FER: variants seen among roughly 807,000 people sequenced by gnomAD.
FER encodes the protein FER tyrosine kinase, also known as tyrosine-protein kinase Fer.
A neutral mutation model predicts 111.0 loss-of-function variants in FER; 63 were observed. The observed-to-expected ratio is 0.57, with a 90% CI of 0.46 to 0.70. FER has a LOEUF of 0.70. FER is among the 30% of genes least tolerant of loss of function. FER has a pLI of 0.00. For synonymous variants in FER, 327 were observed against 313.9 expected (o/e 1.04, Z -0.44); for missense variants, 914 against 954.0 (o/e 0.96, Z 0.55).
chr5:109,036,593 A>G (rs1770433073), intron 13 of FER, among the ~76,000 whole-genome samples: 1 of 151,878 alleles, frequency 6.6e-6, no homozygotes. Context: ...ATCAACCAGG[A>G]TACTCTTCCT....
intron 1 of FER, among the ~76,000 whole-genome samples, chr5:108,764,109 C>T (rs1752049801): frequency 6.6e-6 from 1 of 152,082 alleles, no homozygotes; most frequent in South Asian, 2.1e-4. Context: ...CATTAGAGTG[C>T]TGGTGATCAA....
At chr5:108,845,067 T>TAC (rs61156019) in intron 5 of FER, among the ~76,000 whole-genome samples, 1,030 of 53,576 alleles carry the variant, frequency 0.019, 33 homozygotes, top group Admixed American at 0.028. Flanking sequence ...TATATATATA[T>TAC]ACACACACAC....
rs983265003 is a variant in FER, at chr5:109,124,979, G to C, written c.2048+24460G>C. On this transcript the variant is annotated intron_variant, in intron 17 of 19. Coordinates refer to ENST00000281092, the MANE Select transcript of FER (RefSeq NM_005246.4). ...GAGAATGGCGTGAACCCAGGAGGCA[G>C]AGCTTGCAGTGAGCCGAGATTGCAC... Among the ~76,000 whole-genome samples, 7 of 147,440 alleles carry C rather than the reference G, an allele frequency of 4.7e-5. No individual in the cohort carries two copies. In the Admixed American group the frequency reaches 4.8e-4, roughly 10 times the overall value.
intron 5 of FER, among the ~76,000 whole-genome samples, chr5:108,859,920 C>CTATTATTATTATTATTATTATTATTAT: frequency 7.1e-6 from 1 of 141,596 alleles, no homozygotes; most frequent in East Asian, 2.0e-4. Context: ...ATGTATATAC[C>CTATTATTATTATTATTATTATTATTAT]TATTATTATT....
chr5:108,917,102 G>A (rs545956458), intron 10 of FER, among the ~76,000 whole-genome samples: 44 of 152,036 alleles, frequency 2.9e-4, no homozygotes, highest in Middle Eastern at 3.4e-3. Context: ...GACAATCCAC[G>A]AGGCTTTCTT....
chr5:108,911,848 A>G (rs1751592797), intron 10 of FER, among the ~76,000 whole-genome samples: 1 of 152,060 alleles, frequency 6.6e-6, no homozygotes. Flanking sequence ...AGTATCATGC[A>G]GTTTTAGTTA....
intron 2 of FER, among the ~76,000 whole-genome samples, chr5:108,793,369 G>A (rs929651666): frequency 6.6e-6 from 1 of 152,074 alleles, no homozygotes; most frequent in African/African-American, 2.4e-5. Flanking sequence ...GTACTCCATT[G>A]CGTATATGTA....
At chr5:109,132,796 G>A (rs1752495009) in intron 17 of FER, among the ~76,000 whole-genome samples, 1 of 152,234 alleles carries the variant, frequency 6.6e-6, no homozygotes. Context: ...TGGTGAAAAG[G>A]GACTGTCACA....
rs1346245413 is a variant in FER, at chr5:108,867,631, T to C, written c.482-136T>C. ...CTTGCATAAAGCTAAGCACATATTA[T>C]GTGTTCAATAAAATTTTTTTGTTTA... On this transcript the variant is annotated intron_variant, in intron 5 of 19. Coordinates refer to ENST00000281092, the MANE Select transcript of FER (RefSeq NM_005246.4). The C allele has an allele frequency of 2.5e-5, 20 of 793,536 alleles. No individual in the cohort carries two copies. The Admixed American group carries it at 3.3e-4, about 13-fold the overall frequency. The allele number at this position is 793,536 out of a possible 1,614,324, so 49.2% of individuals were successfully genotyped here.
intron 1 of FER, among the ~76,000 whole-genome samples, chr5:108,763,166 A>T (rs1751952039): frequency 6.6e-6 from 1 of 152,216 alleles, no homozygotes; most frequent in Non-Finnish European, 1.5e-5. Context: ...AAGAAAAAAA[A>T]AATGTGTCGT....
intron 13 of FER, among the ~76,000 whole-genome samples, chr5:109,024,712 A>G (rs1768425432): frequency 6.6e-6 from 1 of 152,138 alleles, no homozygotes; most frequent in Admixed American, 6.6e-5. Flanking sequence ...GAGAGCAGAA[A>G]CTATATTTTG....
intron 3 of FER, among the ~76,000 whole-genome samples, chr5:108,807,916 G>A (rs1374509864): frequency 6.6e-6 from 1 of 150,822 alleles, no homozygotes. Context: ...TCATGTAATT[G>A]TGTAGTTTTG....
chr5:108,837,605 G>A (rs558773253), intron 5 of FER, among the ~76,000 whole-genome samples: 2 of 152,212 alleles, frequency 1.3e-5, no homozygotes, highest in Admixed American at 1.3e-4. Context: ...ATATGTTGGA[G>A]AATTATTAGT....
chr5:108,971,121 C>G (rs1760595797), intron 13 of FER, among the ~76,000 whole-genome samples: 1 of 151,394 alleles, frequency 6.6e-6, no homozygotes, highest in Non-Finnish European at 1.5e-5. Context: ...TTCATTTTAC[C>G]ATGTTTCAAA....
At chr5:109,003,038 C>A (rs1386545236) in intron 13 of FER, among the ~76,000 whole-genome samples, 1 of 152,096 alleles carries the variant, frequency 6.6e-6, no homozygotes, top group Non-Finnish European at 1.5e-5. Context: ...ACTAGTTCAA[C>A]CATTGTGGAA....
At chr5:109,160,599 C>T (rs1755884300) in intron 17 of FER, among the ~76,000 whole-genome samples, 1 of 152,084 alleles carries the variant, frequency 6.6e-6, no homozygotes, top group Admixed American at 6.6e-5. Context: ...GTTCAAGTAA[C>T]CTCCTTCTTA....
At chr5:109,081,388 A>G (rs1186570914) in intron 16 of FER, among the ~76,000 whole-genome samples, 1 of 152,082 alleles carries the variant, frequency 6.6e-6, no homozygotes. Flanking sequence ...TAGATATGAG[A>G]AAATTAAGTG....
intron 17 of FER, among the ~76,000 whole-genome samples, chr5:109,168,016 A>G (rs1047094054): frequency 1.3e-5 from 2 of 149,914 alleles, no homozygotes; most frequent in African/African-American, 5.0e-5. Flanking sequence ...ATTATACCAA[A>G]TGCCTGAAAG....
At chr5:109,012,515 G>C (rs1159774011) in intron 13 of FER, among the ~76,000 whole-genome samples, 2 of 152,086 alleles carry the variant, frequency 1.3e-5, no homozygotes, top group Non-Finnish European at 2.9e-5. Flanking sequence ...TTATTGATTT[G>C]TTTCAAAGTA....
Sources: allele counts gnomAD v4.1 joint callset (sites outside exome capture counted in the v4.1 genomes callset), GRCh38; gene constraint gnomAD v4.1.1; transcripts MANE v1.5; gene names NCBI Gene and HGNC (gene_info 2026-07-23, HGNC 2026-07-21).